Variants in RTL9 observed in about 807,000 individuals in gnomAD.
The protein encoded by RTL9 is retrotransposon Gag-like protein 9.
Under a neutral mutation model 44.7 loss-of-function variants are expected in RTL9, and 19 were observed. The observed-to-expected ratio is 0.42, with a 90% CI of 0.30 to 0.62. The LOEUF (loss-of-function observed/expected upper bound fraction) is 0.62. RTL9 is among the 20% of genes least tolerant of loss of function. The pLI, the probability that RTL9 is intolerant of heterozygous loss-of-function variation, is 0.16. For missense variants in RTL9, 1,105 were observed against 1,080.6 expected (o/e 1.02, Z -0.32); for synonymous variants, 407 against 398.9 (o/e 1.02, Z -0.24).
In RTL9 at chrX:110,384,805, C is replaced by T. The variant is rs889321926; in HGVS notation, c.-168+25889C>T. The stretch of plus-strand genomic sequence containing the variant: ...GACATAGTATCTTTCATATTAGGTG[C>T]GAGGTGCATACCCTTCCTGAAATGG... On this transcript the variant is annotated intron_variant, in intron 1 of 2. Coordinates refer to the RTL9 transcript ENST00000520821. 2.7e-5 allele frequency among the ~76,000 whole-genome samples: 3 copies of T among 110,736 alleles called. No homozygotes were observed. The East Asian group carries it at 8.5e-4, about 31-fold the overall frequency.
Position 110,454,780 on chromosome X carries a change from G to GC in RTL9, c.4047+117dup, listed in dbSNP as rs773898218. On this transcript the variant is annotated intron_variant, in intron 1 of 1. Coordinates refer to ENST00000540313, the Ensembl canonical transcript of RTL9. ...GGAAGAGGCAAGGGGGAGGCATGGAGCTCCTAGACCATTAAACCCCAGCAG... is the reference window on the plus strand; with the variant it reads ...GGAAGAGGCAAGGGGGAGGCATGGAGCCTCCTAGACCATTAAACCCCAGCAG... 4 of 627,587 alleles carry GC rather than the reference G, an allele frequency of 6.4e-6. No homozygotes were observed. The East Asian group carries it at 1.4e-4, about 22-fold the overall frequency. 51.7% of individuals were successfully genotyped at this position (627,587 alleles called of 1,213,427 possible).
chrX:110,426,002 G>A (rs781340196), intron 1 of RTL9, among the ~76,000 whole-genome samples: 1,348 of 107,505 alleles, frequency 0.013, 30 homozygotes, highest in African/African-American at 0.044. Flanking sequence ...ACACACAAAC[G>A]CACACACACA....
chrX:110,445,482 G>A (rs971086533), intron 2 of RTL9, among the ~76,000 whole-genome samples: 1 of 111,333 alleles, frequency 9.0e-6, no homozygotes. Flanking sequence ...TAAGTGTCAG[G>A]GCTGTGGGGG....
intron 1 of RTL9, among the ~76,000 whole-genome samples, chrX:110,406,565 A>T (rs1401651907): frequency 8.9e-6 from 1 of 112,130 alleles, no homozygotes; most frequent in Non-Finnish European, 1.9e-5. Context: ...CGCAATAAAC[A>T]TAGGTGGGCA....
intron 1 of RTL9, among the ~76,000 whole-genome samples, chrX:110,430,283 C>T (rs1178646058): frequency 2.7e-5 from 3 of 112,727 alleles, no homozygotes; most frequent in African/African-American, 3.2e-5. Flanking sequence ...TAACAAAGAA[C>T]AGTAGGCACA....
At chrX:110,452,534 A>C in exon 1 of RTL9, 1 of 1,211,831 alleles carries the variant, frequency 8.3e-7, no homozygotes, top group East Asian at 3.0e-5. Flanking sequence ...CTTCTGAAGC[A>C]ATGCCCACAC....
At chrX:110,445,465 C>A (rs1215696023) in intron 2 of RTL9, among the ~76,000 whole-genome samples, 197 bp downstream of exon 2, 1 of 111,094 alleles carries the variant, frequency 9.0e-6, no homozygotes, top group Non-Finnish European at 1.9e-5. Context: ...AGAGCCGGTG[C>A]GCATTTTAAG....
At chrX:110,422,775 T>C (rs899223675) in intron 1 of RTL9, among the ~76,000 whole-genome samples, 4 of 111,728 alleles carry the variant, frequency 3.6e-5, no homozygotes, top group African/African-American at 1.3e-4. Context: ...ATGGAGTTAA[T>C]ATATTGGAAA....
intron 1 of RTL9, among the ~76,000 whole-genome samples, chrX:110,427,312 C>T (rs746001747): frequency 2.2e-4 from 25 of 112,062 alleles, no homozygotes; most frequent in Admixed American, 3.8e-4. Context: ...TAAATAGCCT[C>T]ACAACACCTG....
intron 1 of RTL9, among the ~76,000 whole-genome samples, chrX:110,391,221 C>T (rs914110382): frequency 9.0e-6 from 1 of 111,296 alleles, no homozygotes; most frequent in African/African-American, 3.3e-5. Context: ...CACATTCACA[C>T]TGAGGCTGTG....
intron 1 of RTL9, among the ~76,000 whole-genome samples, chrX:110,444,185 G>A (rs1019799440): frequency 2.7e-5 from 3 of 112,789 alleles, no homozygotes; most frequent in African/African-American, 9.7e-5. Context: ...TCCAAGGGGT[G>A]GCACAGGTCA....
intron 1 of RTL9, among the ~76,000 whole-genome samples, chrX:110,400,794 G>A (rs1295547013): frequency 1.8e-5 from 2 of 111,459 alleles, no homozygotes; most frequent in Non-Finnish European, 3.8e-5. Flanking sequence ...TTGAATGTGA[G>A]CCCCTTGAGA....
chrX:110,389,580 A>T lies in RTL9; in HGVS notation c.-168+30664A>T, dbSNP rs187056052. Among the ~76,000 whole-genome samples the T allele has an allele frequency of 3.0e-3, 331 of 111,959 alleles. 2 individuals are homozygous for T. The highest frequency in any genetic ancestry group is 0.028 in the Middle Eastern group (6 of 217). Reference sequence around the variant, plus strand: ...CACACAATCAATTTTTTTAAATCTAATTTACCATACCCTTAAGGTTATTCA... The same window carrying T: ...CACACAATCAATTTTTTTAAATCTATTTTACCATACCCTTAAGGTTATTCA... On this transcript the variant is annotated intron_variant, in intron 1 of 2. Transcript: ENST00000520821.
At chrX:110,381,256 G>C (rs766833722) in intron 1 of RTL9, among the ~76,000 whole-genome samples, 10 of 112,063 alleles carry the variant, frequency 8.9e-5, no homozygotes, top group Non-Finnish European at 1.5e-4. Flanking sequence ...CCATTGAAAA[G>C]AGGGCAAAGG....
chrX:110,419,941 A>G, intron 1 of RTL9, among the ~76,000 whole-genome samples: 1 of 112,309 alleles, frequency 8.9e-6, no homozygotes. Flanking sequence ...ATCATAACCC[A>G]ATGACGTCAA....
At chrX:110,428,251 C>G (rs1286990793) in intron 1 of RTL9, among the ~76,000 whole-genome samples, 1 of 111,705 alleles carries the variant, frequency 9.0e-6, no homozygotes, top group Non-Finnish European at 1.9e-5. Context: ...GACCCTTTCT[C>G]TAGGCTCCCG....
intron 1 of RTL9, among the ~76,000 whole-genome samples, chrX:110,422,301 C>T (rs753090472): frequency 1.8e-5 from 2 of 112,948 alleles, no homozygotes; most frequent in African/African-American, 6.4e-5. Flanking sequence ...TTTCTGGCAG[C>T]CTTTTGTTGT....
rs748070030 is a variant in RTL9, at chrX:110,433,190, G to A, written c.-167-11963G>A. Among the ~76,000 whole-genome samples, 26 of 112,639 alleles carry A rather than the reference G, an allele frequency of 2.3e-4. 1 individual carries two copies. The East Asian group carries it at 3.6e-3, about 16-fold the overall frequency. On this transcript the variant is annotated intron_variant, in intron 1 of 3. Coordinates refer to the RTL9 transcript ENST00000465301. The stretch of plus-strand genomic sequence containing the variant: ...CCAGGACCCTCAAGCCGAGCCTGAC[G>A]TCACATAGTTGATTGAGTACCTGCT...
upstream of RTL9, among the ~76,000 whole-genome samples, chrX:110,450,232 C>T (rs766463751): frequency 1.8e-5 from 2 of 111,321 alleles, no homozygotes; most frequent in East Asian, 5.6e-4. Flanking sequence ...AGAATACAGG[C>T]CAGGAATCCG....
Sources: allele counts gnomAD v4.1 joint callset (sites outside exome capture counted in the v4.1 genomes callset), GRCh38; gene constraint gnomAD v4.1.1; transcripts MANE v1.5; gene names NCBI Gene and HGNC (gene_info 2026-07-23, HGNC 2026-07-21).